Variants in DLGAP1 observed in about 807,000 individuals in gnomAD.
DLGAP1 encodes the protein disks large-associated protein 1.
In DLGAP1, 11 loss-of-function variants were observed where a neutral mutation model predicts 90.8. The ratio of observed to expected loss-of-function variants is 0.12; its 90% CI spans 0.08 to 0.20. The LOEUF is 0.20. Ranked by LOEUF, DLGAP1 falls within the 10% of genes least tolerant of loss-of-function variation. The pLI is 1.00. For synonymous variants in DLGAP1, 558 were observed against 540.7 expected (o/e 1.03, Z -0.44); for missense variants, 1,050 against 1,333.8 (o/e 0.79, Z 3.31).
At chr18:3,597,299 T>A in intron 7 of DLGAP1, 1 of 480,940 alleles carries the variant, frequency 2.1e-6, no homozygotes, top group Middle Eastern at 3.3e-4. Context: ...TGGAATCACA[T>A]GACGCAACAG....
chr18:4,007,699 G>A (rs910548310), intron 2 of DLGAP1, among the ~76,000 whole-genome samples: 9 of 151,916 alleles, frequency 5.9e-5, no homozygotes, highest in Non-Finnish European at 4.4e-5. Context: ...ACTGCTATGA[G>A]GCATCAGAAT....
intron 5 of DLGAP1, among the ~76,000 whole-genome samples, chr18:3,772,397 T>TCTCC: frequency 2.9e-5 from 1 of 34,676 alleles, no homozygotes; most frequent in African/African-American, 7.3e-5. Flanking sequence ...TCTTTCTTTC[T>TCTCC]TTCTTTCTTT....
intron 1 of DLGAP1, among the ~76,000 whole-genome samples, chr18:4,169,093 A>G (rs2076981801): frequency 6.6e-6 from 1 of 152,118 alleles, no homozygotes; most frequent in Non-Finnish European, 1.5e-5. Context: ...ATCATGCAGT[A>G]ATTCTATGTG....
At chr18:4,423,547 TATAA>T (rs145277761) in intron 1 of DLGAP1, among the ~76,000 whole-genome samples, 5,083 of 152,264 alleles carry the variant, frequency 0.033, 279 homozygotes, top group African/African-American at 0.11. Context: ...TTGTTAGAAT[TATAA>T]ATAATCTAAA....
At chr18:4,166,915 T>C (rs772343887) in intron 1 of DLGAP1, among the ~76,000 whole-genome samples, 3 of 152,184 alleles carry the variant, frequency 2.0e-5, no homozygotes, top group Non-Finnish European at 4.4e-5. Context: ...GATACAGAGT[T>C]TCAGTTTGGA....
chr18:4,219,032 T>G (rs1056571110), intron 1 of DLGAP1, among the ~76,000 whole-genome samples: 3 of 136,214 alleles, frequency 2.2e-5, no homozygotes, highest in African/African-American at 5.4e-5. Flanking sequence ...TCTTTGTTTT[T>G]TTTTTTTTTT....
At position 3,908,646 on chromosome 18, in the gene DLGAP1, A is replaced by G. The variant is rs556966565; in HGVS notation, c.-72-28506T>C. Reference sequence around the variant, plus strand: ...TATAAGTTTATCTGCCACTCTTAAGAAGAGTGAAATAAACCATTTAGGCTA... The same window carrying G: ...TATAAGTTTATCTGCCACTCTTAAGGAGAGTGAAATAAACCATTTAGGCTA... On this transcript the variant is annotated intron_variant, in intron 3 of 12. Transcript: ENST00000315677. Among the ~76,000 whole-genome samples, 21 of 152,290 alleles carry G rather than the reference A, an allele frequency of 1.4e-4. No homozygotes were observed. In the South Asian group the frequency reaches 4.4e-3, roughly 32 times the overall value.
chr18:3,626,524 G>A (rs906790851), intron 7 of DLGAP1, among the ~76,000 whole-genome samples: 1 of 149,032 alleles, frequency 6.7e-6, no homozygotes, highest in Admixed American at 6.8e-5. Flanking sequence ...AATGTGGGGG[G>A]TCAAGGCTTC....
At chr18:3,850,690 C>T (rs2069287969) in intron 4 of DLGAP1, among the ~76,000 whole-genome samples, 3 of 152,094 alleles carry the variant, frequency 2.0e-5, no homozygotes, top group African/African-American at 7.2e-5. Flanking sequence ...GCATGATAGG[C>T]TTGACTTTAT....
At chr18:4,330,922 T>G (rs1405951712) in intron 1 of DLGAP1, among the ~76,000 whole-genome samples, 1 of 151,892 alleles carries the variant, frequency 6.6e-6, no homozygotes, top group African/African-American at 2.4e-5. Flanking sequence ...TATCAGTTAC[T>G]GGGAGCAGAG....
intron 2 of DLGAP1, among the ~76,000 whole-genome samples, chr18:4,033,941 G>A (rs1383104774): frequency 1.3e-5 from 2 of 150,776 alleles, no homozygotes; most frequent in East Asian, 3.9e-4. Flanking sequence ...GTTTCACTGT[G>A]TTAGCCAGGA....
intron 7 of DLGAP1, among the ~76,000 whole-genome samples, chr18:3,587,126 C>T (rs1428418835): frequency 6.6e-6 from 1 of 152,204 alleles, no homozygotes; most frequent in Non-Finnish European, 1.5e-5. Context: ...GCAATCTCGG[C>T]TCACTGCAAC....
At chr18:3,821,265 G>A (rs866719987) in intron 4 of DLGAP1, among the ~76,000 whole-genome samples, 92 of 133,912 alleles carry the variant, frequency 6.9e-4, no homozygotes, top group African/African-American at 2.6e-3. Context: ...TCTCCAGCTG[G>A]CCGACAGAGT....
chr18:3,737,990 A>C (rs2062730871), intron 6 of DLGAP1, among the ~76,000 whole-genome samples: 2 of 150,872 alleles, frequency 1.3e-5, no homozygotes, highest in Non-Finnish European at 3.0e-5. Context: ...ACAGACAAAC[A>C]GAGAGCCAAA....
rs140884189 is a variant in DLGAP1, at chr18:4,348,210, T to C, written c.-267+106796A>G. Among the ~76,000 whole-genome samples, 878 of 152,182 alleles carry C rather than the reference T, an allele frequency of 5.8e-3. 12 individuals are homozygous for C. The highest frequency in any genetic ancestry group is 0.02 in the African/African-American group (827 of 41,524). ...CGACTGTGAGACTACATTGTGTGTA[T>C]ATGAAGATTAAGCAAATAATTAAAT... is the stretch of plus-strand genomic sequence containing the variant. On this transcript the variant is annotated intron_variant, in intron 1 of 12. Transcript: ENST00000315677.
intron 7 of DLGAP1, among the ~76,000 whole-genome samples, chr18:3,609,903 C>G (rs958216418): frequency 1.0e-4 from 11 of 108,116 alleles, no homozygotes; most frequent in Non-Finnish European, 1.9e-4. Flanking sequence ...ACTAAAAATA[C>G]AAAAATTAAC....
intron 1 of DLGAP1, among the ~76,000 whole-genome samples, chr18:4,171,888 T>G (rs2144591614): frequency 6.6e-6 from 1 of 152,294 alleles, no homozygotes; most frequent in Admixed American, 6.5e-5. Flanking sequence ...TGGAAAAAAA[T>G]TACAAACTGC....
At chr18:3,540,125 T>TA in intron 9 of DLGAP1, among the ~76,000 whole-genome samples, 1 of 152,056 alleles carries the variant, frequency 6.6e-6, no homozygotes, top group East Asian at 1.9e-4. Context: ...TTACATAAAA[T>TA]AAAAGACAGA....
At chr18:3,874,837 G>T in intron 4 of DLGAP1, 1 of 1,296,194 alleles carries the variant, frequency 7.7e-7, no homozygotes, top group Non-Finnish European at 1.0e-6. Flanking sequence ...TTTATTAACT[G>T]CAGACAGCTT....
Sources: allele counts gnomAD v4.1 joint callset (sites outside exome capture counted in the v4.1 genomes callset), GRCh38; gene constraint gnomAD v4.1.1; transcripts MANE v1.5; gene names NCBI Gene and HGNC (gene_info 2026-07-23, HGNC 2026-07-21).